Variants in NYAP1 observed in about 807,000 individuals in gnomAD.
NYAP1 encodes the protein neuronal tyrosine phosphorylated phosphoinositide-3-kinase adaptor 1.
In NYAP1, 20 loss-of-function variants were observed where a neutral mutation model predicts 58.6. That is an observed-to-expected ratio of 0.34 (90% CI 0.24 to 0.50). The LOEUF is 0.50. NYAP1 is among the 20% of genes least tolerant of loss of function. The pLI, the probability that NYAP1 is intolerant of heterozygous loss-of-function variation, is 0.98. For synonymous variants in NYAP1, 572 were observed against 523.1 expected, an observed-to-expected ratio of 1.09 and a Z score of -1.27; for missense variants, 1,150 against 1,194.5, an observed-to-expected ratio of 0.96 and a Z score of 0.55.
rs1206531339 is a variant in NYAP1 at position 100,493,889 on chromosome 7, G to T, written c.2512G>T (p.Asp838Tyr). The T allele has an allele frequency of 6.8e-7, 1 of 1,473,834 alleles. No homozygotes were observed. Among genetic ancestry groups the T allele is most frequent in the Non-Finnish European group, 9.0e-7 (1 of 1,116,034 alleles). 91.3% of individuals were successfully genotyped at this position (1,473,834 alleles called of 1,614,324 possible). Residue 838 changes from aspartate (D) to tyrosine (Y), a missense_variant, in exon 7 of 7, where the codon GAC (aspartate) becomes TAC (tyrosine). Coordinates refer to ENST00000300179, the MANE Select transcript of NYAP1 (RefSeq NM_173564.4). The part of the protein sequence containing the change: ...PCRRQHTVLW[D>Y]TAI ...CCGCCGGCAGCACACGGTCCTCTGG[G>T]ACACCGCCATCTGAGGCGGGCGGGG...
rs553025104 is a variant in NYAP1, at chr7:100,486,519, C to T, written c.69-302C>T. On this transcript the variant is annotated intron_variant, in intron 2 of 6. Coordinates refer to ENST00000300179, the MANE Select transcript of NYAP1 (RefSeq NM_173564.4). The surrounding 1 kb of genome is among the most constrained non-coding windows in gnomAD (Gnocchi z 6.2). ...GTTACCTGGGTTTGTATCTCTACCTCTGCACAAGGCTGTCCACACAGGTGC... is the reference window on the plus strand; with the variant it reads ...GTTACCTGGGTTTGTATCTCTACCTTTGCACAAGGCTGTCCACACAGGTGC... Among the ~76,000 whole-genome samples, 2 of 152,214 alleles carry T rather than the reference C, an allele frequency of 1.3e-5. No individual in the cohort carries two copies. The highest frequency in any genetic ancestry group is 2.9e-5 in the Non-Finnish European group (2 of 67,982).
At chr7:100,489,812 G>C in intron 4 of NYAP1, 146 bp downstream of exon 4, 1 of 710,800 alleles carries the variant, frequency 1.4e-6, no homozygotes, top group South Asian at 1.9e-5. Context: ...CAGAGAGGTG[G>C]GGGTGGGCGA....
rs150655253 is a variant in NYAP1, at chr7:100,488,822, C to T, written c.1101C>T (p.Ala367=). The part of the protein sequence containing the change: ...LPVLCHSKEP[A]GSTPAPQVPA... Reference sequence around the variant, plus strand: ...TCCTCTGCCACTCCAAGGAGCCAGCCGGCTCCACCCCAGCTCCCCAAGTGC... The same window carrying T: ...TCCTCTGCCACTCCAAGGAGCCAGCTGGCTCCACCCCAGCTCCCCAAGTGC... The change falls in exon 4 of 7, where the codon GCC becomes GCT. Residue 367 remains alanine, a synonymous_variant. Transcript: ENST00000300179. This position sits in a 1 kb window ranked among gnomAD's most constrained non-coding sequence, Gnocchi z 5.9. The T allele has an allele frequency of 2.6e-4, 416 of 1,575,122 alleles. No homozygotes were observed. The African/African-American group carries it at 4.9e-3, about 19-fold the overall frequency.
rs753116273 is a variant in NYAP1, at chr7:100,489,542, C to T, written c.1821C>T (p.His607=). The T allele has an allele frequency of 1.6e-5, 26 of 1,613,296 alleles. No individual in the cohort carries two copies. The highest frequency in any genetic ancestry group is 5.0e-5 in the Admixed American group (3 of 59,980). The change falls in exon 4 of 7, where the codon CAC becomes CAT. Residue 607 remains histidine (H), a synonymous_variant. Transcript: ENST00000300179. ...GGAFASISCA[H]VIASAGTPEE... The stretch of plus-strand genomic sequence containing the variant: ...CTTTTGCCAGCATCTCCTGTGCCCA[C>T]GTCATCGCCAGCGCAGGGACACCAG...
At position 100,490,142 on chromosome 7, in the gene NYAP1, G is replaced by A. The variant is rs538276324; in HGVS notation, c.1946-375G>A. On this transcript the variant is annotated intron_variant, in intron 4 of 6. Transcript: ENST00000300179. This position sits in a 1 kb window ranked among gnomAD's most constrained non-coding sequence, Gnocchi z 4.6. Reference sequence around the variant, plus strand: ...CCTTCCCCCCAGCGCTCCCCCTTCTGGGCTCAGGAATTGGGATTCTCCCCC... The same window carrying A: ...CCTTCCCCCCAGCGCTCCCCCTTCTAGGCTCAGGAATTGGGATTCTCCCCC... Among the ~76,000 whole-genome samples, 20 of 152,238 alleles carry A rather than the reference G, an allele frequency of 1.3e-4. No individual in the cohort carries two copies. In the East Asian group the frequency reaches 3.7e-3, roughly 28 times the overall value.
At chr7:100,491,798 C>T (rs1799798618) in intron 6 of NYAP1, among the ~76,000 whole-genome samples, 1 of 152,102 alleles carries the variant, frequency 6.6e-6, no homozygotes, top group African/African-American at 2.4e-5. Context: ...CCTGTAATCC[C>T]AGCAGTTTGG....
In NYAP1 at chr7:100,491,053, C is replaced by T; in HGVS notation, c.2226C>T (p.His742=). ...STSGVRQVVL[H]TPRPCSQPRD... ...CCGGAGTCCGGCAGGTCGTGCTCCA[C>T]ACACCCCGGCCCTGCAGCCAGCCCA... The change falls in exon 6 of 7, where the codon CAC becomes CAT. Residue 742 remains histidine, a synonymous_variant. Transcript: ENST00000300179. 3 of 1,559,796 alleles carry T rather than the reference C, an allele frequency of 1.9e-6. No individual in the cohort carries two copies. Among genetic ancestry groups the T allele is most frequent in the Non-Finnish European group, 2.6e-6 (3 of 1,151,634 alleles).
Position 100,490,689 on chromosome 7 carries a change from C to G in NYAP1, c.2118C>G (p.Pro706=), listed in dbSNP as rs1319060764. The change falls in exon 5 of 7, where the codon CCC becomes CCG. Residue 706 remains proline (P), a synonymous_variant. Transcript: ENST00000300179. This position sits in a 1 kb window ranked among gnomAD's most constrained non-coding sequence, Gnocchi z 4.6. ...GAGGAGGGAGCCGCACCGCGCTGCC[C>G]ATTCCCTGCCAGACCTTCCCCGCCT... The part of the protein sequence containing the change: ...GDRGGSRTAL[P]IPCQTFPACH... The G allele has an allele frequency of 1.3e-6, 2 of 1,538,644 alleles. No homozygotes were observed. The highest frequency in any genetic ancestry group is 4.8e-5 in the East Asian group (2 of 42,052).
Position 100,485,458 on chromosome 7 carries a change from G to A in NYAP1, c.68+79G>A, listed in dbSNP as rs1799691265. ...TCACTGGGCCACAGCCCTTCTCGGG[G>A]GCCGGCAGCCTTGTCATGAGTGAGC... On this transcript the variant is annotated intron_variant, in intron 2 of 6. Coordinates refer to ENST00000300179, the MANE Select transcript of NYAP1 (RefSeq NM_173564.4). This position sits in a 1 kb window ranked among gnomAD's most constrained non-coding sequence, Gnocchi z 5.7. 1 of 1,138,262 alleles carries A rather than the reference G, an allele frequency of 8.8e-7. No individual in the cohort carries two copies. The highest frequency in any genetic ancestry group is 2.2e-5 in the Admixed American group (1 of 45,716). 70.5% of individuals were successfully genotyped at this position (1,138,262 alleles called of 1,614,324 possible).
chr7:100,484,526 G>A (rs1002066184), intron 1 of NYAP1, among the ~76,000 whole-genome samples: 1 of 152,112 alleles, frequency 6.6e-6, no homozygotes, highest in Non-Finnish European at 1.5e-5. Flanking sequence ...GACTGGAAGT[G>A]GGGGAAGGCA....
At chr7:100,492,032 A>G (rs189028438) in intron 6 of NYAP1, among the ~76,000 whole-genome samples, 36 of 152,008 alleles carry the variant, frequency 2.4e-4, no homozygotes, top group Non-Finnish European at 5.2e-4. Flanking sequence ...CCTGGGCAAC[A>G]GAGAGAGACT....
At position 100,485,193 on chromosome 7, in the gene NYAP1, C is replaced by CT. The variant is rs1317996731; in HGVS notation, c.-84-27dup. On this transcript the variant is annotated intron_variant, in intron 1 of 6. Coordinates refer to ENST00000300179, the MANE Select transcript of NYAP1 (RefSeq NM_173564.4). This position sits in a 1 kb window ranked among gnomAD's most constrained non-coding sequence, Gnocchi z 5.7. Reference sequence around the variant, plus strand: ...CCTGGCCCCCACCCATCCCACCTTTCTTTTTTTTCCGTTCTCACCCACCCC... The same window carrying CT: ...CCTGGCCCCCACCCATCCCACCTTTCTTTTTTTTTCCGTTCTCACCCACCCC... The CT allele has an allele frequency of 2.7e-5, 16 of 603,652 alleles. No individual in the cohort carries two copies. Among genetic ancestry groups the CT allele is most frequent in the East Asian group, 5.9e-5 (2 of 33,994 alleles). 37.4% of individuals were successfully genotyped at this position (603,652 alleles called of 1,614,324 possible).
intron 4 of NYAP1, 94 bp downstream of exon 4, chr7:100,489,760 T>G: frequency 9.6e-7 from 1 of 1,042,080 alleles, no homozygotes; most frequent in Non-Finnish European, 1.3e-6. Context: ...GAGGGGTTAT[T>G]TGGAAGTCAC....
In NYAP1 at chr7:100,493,682, C is replaced by T; in HGVS notation, c.2305C>T (p.Pro769Ser). 1 of 1,589,192 alleles carries T rather than the reference C, an allele frequency of 6.3e-7. No homozygotes were observed. The highest frequency in any genetic ancestry group is 8.5e-7 in the Non-Finnish European group (1 of 1,172,476). Residue 769 changes from proline (P) to serine (S), a missense_variant, in exon 7 of 7, where the codon CCC becomes TCC. Transcript: ENST00000300179. ...GCTGCCGCTGCCTCTGCCCCTGCCG[C>T]CCCAGCCGGCCCGCGAGCGTGACGG... ...PALPLPLPLP[P>S]QPARERDGKL...
Position 100,486,690 on chromosome 7 carries a change from C to T in NYAP1, c.69-131C>T. 1.8e-6 allele frequency: 2 copies of T among 1,123,824 alleles called. No individual in the cohort carries two copies. Among genetic ancestry groups the T allele is most frequent in the Non-Finnish European group, 2.4e-6 (2 of 837,246 alleles). 69.6% of individuals were successfully genotyped at this position (1,123,824 alleles called of 1,614,324 possible). ...ATTGGTGCCCTGGACCTTCTGGCAACCCTGTCCCCACCCAGGCTCCCGTCC... is the reference window on the plus strand; with the variant it reads ...ATTGGTGCCCTGGACCTTCTGGCAATCCTGTCCCCACCCAGGCTCCCGTCC... On this transcript the variant is annotated intron_variant, in intron 2 of 6. Transcript: ENST00000300179. This position sits in a 1 kb window ranked among gnomAD's most constrained non-coding sequence, Gnocchi z 6.2.
rs1247588603 is a variant in NYAP1 at position 100,487,992 on chromosome 7, AGAAAT to A, written c.431-156_431-152del. 2.0e-5 allele frequency among the ~76,000 whole-genome samples: 3 copies of A among 152,312 alleles called. No individual in the cohort carries two copies. The highest frequency in any genetic ancestry group is 7.2e-5 in the African/African-American group (3 of 41,564). On this transcript the variant is annotated intron_variant, in intron 3 of 6. Transcript: ENST00000300179. The surrounding 1 kb of genome is among the most constrained non-coding windows in gnomAD (Gnocchi z 4.1). Reference sequence around the variant, plus strand: ...ACCCATCTCTATTAAAAAATAAAAAAGAAATGAAGAAACCTCCTGGGGCTGTAAGT... The same window carrying A: ...ACCCATCTCTATTAAAAAATAAAAAAGAAGAAACCTCCTGGGGCTGTAAGT...
At position 100,494,492 on chromosome 7, in the gene NYAP1, G is replaced by A. The variant is rs1423097406; in HGVS notation, c.*589G>A. The A allele has an allele frequency of 6.6e-6, 1 of 152,494 alleles. No homozygotes were observed. The highest frequency in any genetic ancestry group is 1.5e-5 in the Non-Finnish European group (1 of 68,166). The allele number at this position is 152,494 out of a possible 1,614,324, so 9.4% of individuals were successfully genotyped here. On this transcript the variant is annotated 3_prime_UTR_variant, in exon 7 of 7. Transcript: ENST00000300179. ...CCCACAGCCAAGGAGGGGTCTGCAT[G>A]GGGAGTGGACCGAGAGAAGAAGGGG... is the stretch of plus-strand genomic sequence containing the variant.
At position 100,493,997 on chromosome 7, in the gene NYAP1, T is replaced by C; in HGVS notation, c.*94T>C. The C allele has an allele frequency of 8.8e-7, 1 of 1,131,430 alleles. No homozygotes were observed. Among genetic ancestry groups the C allele is most frequent in the South Asian group, 1.7e-5 (1 of 57,672 alleles). 70.1% of individuals were successfully genotyped at this position (1,131,430 alleles called of 1,614,324 possible). Reference sequence around the variant, plus strand: ...CTCGCCTTGAGAGACATTGAAAGACTACGTGGGAGAGTGCCAGGGAGAACC... The same window carrying C: ...CTCGCCTTGAGAGACATTGAAAGACCACGTGGGAGAGTGCCAGGGAGAACC... On this transcript the variant is annotated 3_prime_UTR_variant, in exon 7 of 7. Transcript: ENST00000300179.
chr7:100,488,820 G>T lies in NYAP1; in HGVS notation c.1099G>T (p.Ala367Ser), dbSNP rs868289869. 3 of 1,575,850 alleles carry T rather than the reference G, an allele frequency of 1.9e-6. No individual in the cohort carries two copies. Among genetic ancestry groups the T allele is most frequent in the East Asian group, 4.5e-5 (2 of 44,564 alleles). The change falls in exon 4 of 7, where the codon GCC becomes TCC. Residue 367 changes from alanine to serine, a missense_variant. By Grantham distance (99) the Ala-to-Ser change is moderately conservative. Coordinates refer to ENST00000300179, the MANE Select transcript of NYAP1 (RefSeq NM_173564.4). This position sits in a 1 kb window ranked among gnomAD's most constrained non-coding sequence, Gnocchi z 5.9. ...LPVLCHSKEP[A>S]GSTPAPQVPA... ...TGTCCTCTGCCACTCCAAGGAGCCA[G>T]CCGGCTCCACCCCAGCTCCCCAAGT...
Sources: gnomAD v4.1 joint callset for allele counts (sites outside exome capture counted in the v4.1 genomes callset) on GRCh38, gnomAD v4.1.1 for gene constraint, Gnocchi (gnomAD v3.1) non-coding constraint, MANE v1.5 for transcripts, NCBI Gene and HGNC (gene_info 2026-07-23, HGNC 2026-07-21) for gene names.